The following PAQR5 variants were observed in gnomAD, a reference collection of about 807,000 sequenced individuals.
PAQR5 encodes the protein membrane progestin receptor gamma.
In PAQR5, 20 loss-of-function variants were observed where a neutral mutation model predicts 34.5. The ratio of observed to expected loss-of-function variants is 0.58; its 90% confidence interval spans 0.41 to 0.84. PAQR5 has a LOEUF of 0.84. Among genes scored for constraint, PAQR5 ranks in the 40% least tolerant of loss-of-function variants. The pLI is 0.00. For synonymous variants in PAQR5, 131 were observed against 155.6 expected (o/e 0.84, Z 1.18); for missense variants, 378 against 412.7 (o/e 0.92, Z 0.73).
At chr15:69,370,480 T>A (rs889315182) in intron 3 of PAQR5, among the ~76,000 whole-genome samples, 1 of 152,216 alleles carries the variant, frequency 6.6e-6, no homozygotes, top group Non-Finnish European at 1.5e-5. Context: ...AGTGGTTCTA[T>A]TCTACCTTAA....
chr15:69,329,881 C>A lies in PAQR5; in HGVS notation c.-276-7460C>A, dbSNP rs546677363. On this transcript the variant is annotated intron_variant, in intron 1 of 8. Coordinates refer to ENST00000395407, the MANE Select transcript of PAQR5 (RefSeq NM_017705.4). ...GTAGTAATAGTAGCCATAATAGTAGCCATAGTGGTAAATACCACTGGCATT... is the reference window on the plus strand; with the variant it reads ...GTAGTAATAGTAGCCATAATAGTAGACATAGTGGTAAATACCACTGGCATT... Among the ~76,000 whole-genome samples, 27 of 152,228 alleles carry A rather than the reference C, an allele frequency of 1.8e-4. No homozygotes were observed. In the South Asian group the frequency reaches 5.6e-3, roughly 32 times the overall value.
chr15:69,331,046 C>A (rs537998966), intron 1 of PAQR5, among the ~76,000 whole-genome samples: 5 of 152,160 alleles, frequency 3.3e-5, no homozygotes, highest in Non-Finnish European at 7.4e-5. Context: ...CAGTGTACAT[C>A]GATCTAATTG....
chr15:69,403,624 G>C lies in PAQR5; in HGVS notation c.795G>C (p.Thr265=). Residue 265 remains threonine (T), a synonymous_variant, in exon 9 of 9, where the codon ACG becomes ACC. Coordinates refer to ENST00000395407, the MANE Select transcript of PAQR5 (RefSeq NM_017705.4). ...QLFHVCVILA[T]HMQMEAILLD... ...TTCACGTGTGTGTGATCCTGGCCACGCACATGCAGATGGAAGCCATACTTC... is the reference window on the plus strand; with the variant it reads ...TTCACGTGTGTGTGATCCTGGCCACCCACATGCAGATGGAAGCCATACTTC... The C allele has an allele frequency of 6.2e-7, 1 of 1,613,932 alleles. No homozygotes were observed. Among genetic ancestry groups the C allele is most frequent in the South Asian group, 1.1e-5 (1 of 91,078 alleles).
intron 6 of PAQR5, chr15:69,391,412 T>C: frequency 5.3e-6 from 1 of 190,354 alleles, no homozygotes; most frequent in Non-Finnish European, 1.1e-5. Flanking sequence ...TGCGCTAAGG[T>C]GGGTTGGAAG....
At chr15:69,390,075 G>T (rs373114854) in intron 6 of PAQR5, among the ~76,000 whole-genome samples, 11 of 152,150 alleles carry the variant, frequency 7.2e-5, no homozygotes, top group African/African-American at 2.7e-4. Flanking sequence ...AAGTGTGATG[G>T]CACAATCTTG....
chr15:69,369,910 T>G (rs751807775), intron 3 of PAQR5, among the ~76,000 whole-genome samples: 8 of 152,190 alleles, frequency 5.3e-5, no homozygotes, highest in Non-Finnish European at 1.2e-4. Flanking sequence ...TTACAAAATC[T>G]GGCAGCAGAG....
chr15:69,318,685 G>A (rs2054009922), intron 1 of PAQR5, among the ~76,000 whole-genome samples: 1 of 151,974 alleles, frequency 6.6e-6, no homozygotes, highest in African/African-American at 2.4e-5. Context: ...CAAGACCCCA[G>A]TGGATGCCTG....
chr15:69,345,590 G>A (rs11637035), intron 2 of PAQR5, among the ~76,000 whole-genome samples: 122,791 of 152,128 alleles, frequency 0.81, 52,409 homozygotes, highest in Non-Finnish European at 0.96. Context: ...GGGTGATTTT[G>A]CTGTTGATTT....
chr15:69,379,857 A>G (rs1047196693), intron 3 of PAQR5, 26 bp from the exon 4 acceptor site: 3 of 1,610,096 alleles, frequency 1.9e-6, no homozygotes, highest in Non-Finnish European at 2.5e-6. Flanking sequence ...GTCTCACCTC[A>G]GTGTCCTTTT....
chr15:69,356,212 C>A (rs1005554329), intron 2 of PAQR5, among the ~76,000 whole-genome samples: 1 of 152,164 alleles, frequency 6.6e-6, no homozygotes, highest in Non-Finnish European at 1.5e-5. Context: ...TTGTCTGAGG[C>A]TTCTCTGGTG....
intron 1 of PAQR5, among the ~76,000 whole-genome samples, chr15:69,316,140 G>C (rs1362310347): frequency 6.6e-6 from 1 of 152,108 alleles, no homozygotes; most frequent in Non-Finnish European, 1.5e-5. Context: ...CAGTGCAATG[G>C]TGTGACCTTG....
At chr15:69,374,008 C>A (rs1429763744) in intron 3 of PAQR5, among the ~76,000 whole-genome samples, 1 of 152,122 alleles carries the variant, frequency 6.6e-6, no homozygotes, top group Admixed American at 6.5e-5. Flanking sequence ...TCATTTATTT[C>A]ATTAATTTTT....
chr15:69,309,395 T>C (rs1447229689), intron 1 of PAQR5, among the ~76,000 whole-genome samples: 2 of 151,966 alleles, frequency 1.3e-5, no homozygotes, highest in Non-Finnish European at 2.9e-5. Flanking sequence ...CCTGGGGATT[T>C]TGAAGTGCTA....
chr15:69,389,413 G>A (rs1484622334), intron 5 of PAQR5, among the ~76,000 whole-genome samples: 1 of 152,226 alleles, frequency 6.6e-6, no homozygotes, highest in Non-Finnish European at 1.5e-5. Flanking sequence ...TATTATGTGA[G>A]GTCATACATG....
At chr15:69,305,455 A>G (rs1370449942) in intron 1 of PAQR5, among the ~76,000 whole-genome samples, 2 of 151,854 alleles carry the variant, frequency 1.3e-5, no homozygotes, top group Non-Finnish European at 2.9e-5. Context: ...CCTCATGCTG[A>G]GAGCCAAGGC....
At chr15:69,339,159 C>T (rs4777133) in intron 2 of PAQR5, among the ~76,000 whole-genome samples, 98,354 of 136,954 alleles carry the variant, frequency 0.72, 37,338 homozygotes, top group South Asian at 0.88. Flanking sequence ...CACTCCTGGC[C>T]CACTGGCTAC....
intron 1 of PAQR5, among the ~76,000 whole-genome samples, chr15:69,331,801 G>A (rs1263525475): frequency 6.6e-6 from 1 of 152,202 alleles, no homozygotes; most frequent in Non-Finnish European, 1.5e-5. Flanking sequence ...CTGTTCTGTT[G>A]TGTATATTTT....
At chr15:69,326,064 A>G (rs1322240559) in intron 1 of PAQR5, among the ~76,000 whole-genome samples, 3 of 152,096 alleles carry the variant, frequency 2.0e-5, no homozygotes, top group Non-Finnish European at 2.9e-5. Flanking sequence ...CTGCAAATAC[A>G]TGCAAATCAA....
chr15:69,329,192 C>T (rs572677031), intron 1 of PAQR5, among the ~76,000 whole-genome samples: 1 of 152,280 alleles, frequency 6.6e-6, no homozygotes, highest in South Asian at 2.1e-4. Flanking sequence ...AGCCATAGCC[C>T]TTGTCCCCAG....
Sources: gnomAD v4.1 joint callset for allele counts (sites outside exome capture counted in the v4.1 genomes callset) on GRCh38, gnomAD v4.1.1 for gene constraint, MANE v1.5 for transcripts, NCBI Gene and HGNC (gene_info 2026-07-23, HGNC 2026-07-21) for gene names.